EPHB1: variants seen among roughly 807,000 people sequenced by gnomAD.
The protein encoded by EPHB1 is EPH receptor B1, also known as ephrin type-B receptor 1.
EPHB1 carries 30 observed loss-of-function variants against 94.4 expected under a neutral mutation model. The ratio of observed to expected loss-of-function variants is 0.32; its 90% CI spans 0.24 to 0.43. EPHB1 has a LOEUF of 0.43. EPHB1 is among the 20% of genes least tolerant of loss of function. The pLI is 1.00. For missense variants in EPHB1, 1,055 were observed against 1,308.3 expected (o/e 0.81, Z 2.99); for synonymous variants, 522 against 489.1 (o/e 1.07, Z -0.89).
At chr3:135,057,874 T>C (rs1326131286) in intron 3 of EPHB1, among the ~76,000 whole-genome samples, 2 of 152,242 alleles carry the variant, frequency 1.3e-5, no homozygotes, top group African/African-American at 4.8e-5. Flanking sequence ...TGGGAGCCTT[T>C]GTCTTTTAGG....
intron 3 of EPHB1, among the ~76,000 whole-genome samples, chr3:135,015,247 T>G (rs1935756192): frequency 7.6e-6 from 1 of 132,052 alleles, no homozygotes; most frequent in African/African-American, 3.6e-5. Flanking sequence ...CAGTGCCTGG[T>G]TTTTTTTTTT....
chr3:135,022,187 G>A (rs1255757815), intron 3 of EPHB1, among the ~76,000 whole-genome samples: 1 of 152,068 alleles, frequency 6.6e-6, no homozygotes, highest in African/African-American at 2.4e-5. Flanking sequence ...AGCCAGGATG[G>A]TCTCGATCTC....
intron 3 of EPHB1, among the ~76,000 whole-genome samples, chr3:134,967,933 C>G (rs1324943304): frequency 6.6e-6 from 1 of 152,230 alleles, no homozygotes; most frequent in African/African-American, 2.4e-5. Context: ...GGACCTGTCT[C>G]TAACACACAG....
intron 1 of EPHB1, among the ~76,000 whole-genome samples, chr3:134,863,026 G>A (rs922284320): frequency 6.6e-5 from 10 of 152,190 alleles, no homozygotes; most frequent in African/African-American, 2.4e-4. Flanking sequence ...AAGCTGGGGT[G>A]GATCCTGCGT....
In EPHB1 at chr3:134,795,541, C is replaced by T. The variant is rs1482299075; in HGVS notation, c.-91C>T. ...AGCGCGAAAGGATACCGAGAAGCCA[C>T]CCGCGGAGAGCGCAGCGGCGCCCTG... On this transcript the variant is annotated 5_prime_UTR_variant, in exon 1 of 16. Transcript: ENST00000398015. 7.0e-6 allele frequency: 9 copies of T among 1,282,648 alleles called. No homozygotes were observed. The highest frequency in any genetic ancestry group is 5.3e-5 in the South Asian group (4 of 75,528). 79.5% of individuals were successfully genotyped at this position (1,282,648 alleles called of 1,614,324 possible).
rs946029768 is a variant in EPHB1, at chr3:134,889,784, T to A, written c.59-36032T>A. Among the ~76,000 whole-genome samples the A allele has an allele frequency of 2.0e-5, 3 of 151,690 alleles. No individual in the cohort carries two copies. The East Asian group carries it at 5.8e-4, about 29-fold the overall frequency. On this transcript the variant is annotated intron_variant, in intron 1 of 15. Transcript: ENST00000398015. The stretch of plus-strand genomic sequence containing the variant: ...GCGCCGCCTTCCGGGTTCATGCCAT[T>A]CTCCTTCCTCAGCCCCCCGAGAAGC...
chr3:135,165,582 T>C (rs1408158236), intron 7 of EPHB1, among the ~76,000 whole-genome samples: 1 of 152,222 alleles, frequency 6.6e-6, no homozygotes, highest in African/African-American at 2.4e-5. Flanking sequence ...CATAACTTCA[T>C]GCTTTAGAAG....
intron 1 of EPHB1, among the ~76,000 whole-genome samples, chr3:134,872,217 C>T (rs1049226990): frequency 1.3e-5 from 2 of 152,184 alleles, no homozygotes; most frequent in Non-Finnish European, 2.9e-5. Context: ...TGTTTTGCCT[C>T]TCCAGGAGGA....
At chr3:134,798,554 C>T (rs2035875317) in intron 1 of EPHB1, among the ~76,000 whole-genome samples, 1 of 152,186 alleles carries the variant, frequency 6.6e-6, no homozygotes, top group Admixed American at 6.5e-5. Context: ...AAAAGATCCG[C>T]TGGGGCTAAG....
intron 1 of EPHB1, among the ~76,000 whole-genome samples, chr3:134,919,414 G>T (rs1340176586): frequency 6.6e-6 from 1 of 152,196 alleles, no homozygotes; most frequent in Admixed American, 6.5e-5. Context: ...GCCCTTAACA[G>T]TTTACAGTCA....
chr3:134,852,416 A>G (rs1208436304), intron 1 of EPHB1: 1 of 152,062 alleles, frequency 6.6e-6, no homozygotes, highest in Non-Finnish European at 1.5e-5. Context: ...TCAGGCACTT[A>G]TTCCTTCCTC....
intron 2 of EPHB1, among the ~76,000 whole-genome samples, chr3:134,946,918 C>G (rs1228929849): frequency 6.6e-6 from 1 of 152,178 alleles, no homozygotes; most frequent in Non-Finnish European, 1.5e-5. Context: ...AATTACCCAG[C>G]CTCAGGTATT....
At chr3:134,905,152 G>A (rs2038291386) in intron 1 of EPHB1, among the ~76,000 whole-genome samples, 1 of 152,210 alleles carries the variant, frequency 6.6e-6, no homozygotes, top group South Asian at 2.1e-4. Context: ...CCCACCTCCA[G>A]TGCAGTGTTT....
At chr3:134,797,041 C>T (rs2035843444) in intron 1 of EPHB1, among the ~76,000 whole-genome samples, 1 of 152,168 alleles carries the variant, frequency 6.6e-6, no homozygotes, top group Admixed American at 6.5e-5. Context: ...CTAAGATTCC[C>T]TTCCCTTTTG....
intron 10 of EPHB1, among the ~76,000 whole-genome samples, chr3:135,180,375 T>C (rs1377263608): frequency 2.0e-5 from 3 of 152,246 alleles, no homozygotes; most frequent in African/African-American, 7.2e-5. Context: ...CAAGATATCT[T>C]GCCATACTGT....
chr3:135,069,388 T>C (rs1427821655), intron 3 of EPHB1, among the ~76,000 whole-genome samples: 1 of 152,130 alleles, frequency 6.6e-6, no homozygotes, highest in Admixed American at 6.5e-5. Context: ...ACAGTCTTTT[T>C]TGAGTTATTG....
intron 3 of EPHB1, among the ~76,000 whole-genome samples, chr3:135,094,913 G>A (rs1938704035): frequency 6.6e-6 from 1 of 152,192 alleles, no homozygotes; most frequent in South Asian, 2.1e-4. Context: ...TGGCCACTCT[G>A]CAGATTCCTG....
intron 1 of EPHB1, among the ~76,000 whole-genome samples, chr3:134,914,807 A>C (rs1334443888): frequency 6.6e-6 from 1 of 152,148 alleles, no homozygotes; most frequent in African/African-American, 2.4e-5. Flanking sequence ...TTTGAAGGAC[A>C]TGGGGAGGGA....
At chr3:135,207,160 G>A (rs571646556) in intron 12 of EPHB1, among the ~76,000 whole-genome samples, 159 of 152,148 alleles carry the variant, frequency 1.0e-3, no homozygotes, top group South Asian at 2.3e-3. Context: ...GATTTCCCAC[G>A]TTATTTTTCT....
Sources: gnomAD v4.1 joint callset for allele counts (sites outside exome capture counted in the v4.1 genomes callset) on GRCh38, gnomAD v4.1.1 for gene constraint, MANE v1.5 for transcripts, NCBI Gene and HGNC (gene_info 2026-07-23, HGNC 2026-07-21) for gene names.